The following RAPGEF6 variants were observed in gnomAD, a reference collection of about 807,000 sequenced individuals.
The protein encoded by RAPGEF6 is Rap guanine nucleotide exchange factor 6.
Under a neutral mutation model 171.4 loss-of-function variants are expected in RAPGEF6, and 56 were observed. The observed-to-expected ratio is 0.33, with a 90% confidence interval of 0.26 to 0.41. RAPGEF6 has a LOEUF of 0.41. Among genes scored for constraint, RAPGEF6 ranks in the 10% least tolerant of loss-of-function variants. The pLI is 1.00. For synonymous variants in RAPGEF6, 692 were observed against 650.1 expected (o/e 1.06, Z -0.98); for missense variants, 1,674 against 1,921.4 (o/e 0.87, Z 2.41).
At chr5:131,460,880 G>A (rs1753878036) in intron 19 of RAPGEF6, among the ~76,000 whole-genome samples, 2 of 152,110 alleles carry the variant, frequency 1.3e-5, no homozygotes, top group Admixed American at 1.3e-4. Flanking sequence ...AAATCATTAT[G>A]AATTCTGTGG....
At chr5:131,494,498 T>C (rs1476765446) in intron 13 of RAPGEF6, among the ~76,000 whole-genome samples, 2 of 152,148 alleles carry the variant, frequency 1.3e-5, no homozygotes, top group African/African-American at 2.4e-5. Context: ...AGAGTTTCAA[T>C]AGGTGAGGAA....
At chr5:131,633,012 C>T (rs1027378871) in intron 1 of RAPGEF6, among the ~76,000 whole-genome samples, 1 of 152,130 alleles carries the variant, frequency 6.6e-6, no homozygotes, top group African/African-American at 2.4e-5. Flanking sequence ...ACTTTATGAA[C>T]AGTTTAGAAA....
At chr5:131,479,131 C>A (rs1755298115) in intron 16 of RAPGEF6, among the ~76,000 whole-genome samples, 1 of 149,062 alleles carries the variant, frequency 6.7e-6, no homozygotes. Flanking sequence ...CTTTAGAATT[C>A]AAGAAGGAAT....
intron 6 of RAPGEF6, among the ~76,000 whole-genome samples, chr5:131,529,544 A>G (rs1759224312): frequency 1.3e-5 from 2 of 152,078 alleles, no homozygotes; most frequent in Non-Finnish European, 2.9e-5. Flanking sequence ...TACTACTCCA[A>G]AAGTGTCAAT....
At chr5:131,589,230 G>A (rs1052398869) in intron 4 of RAPGEF6, among the ~76,000 whole-genome samples, 2 of 152,234 alleles carry the variant, frequency 1.3e-5, no homozygotes, top group African/African-American at 2.4e-5. Context: ...GTGAAAGACA[G>A]AGATATGAAC....
At chr5:131,619,464 A>C (rs1208389371) in intron 1 of RAPGEF6, among the ~76,000 whole-genome samples, 2 of 152,230 alleles carry the variant, frequency 1.3e-5, no homozygotes, top group Non-Finnish European at 2.9e-5. Flanking sequence ...AACTTAAAGT[A>C]TAATTTTAAA....
At chr5:131,534,607 T>TTG (rs1433055970) in intron 6 of RAPGEF6, among the ~76,000 whole-genome samples, 3 of 728 alleles carry the variant, frequency 4.1e-3, no homozygotes, top group Admixed American at 0.17. Context: ...CACCAATGTG[T>TTG]TTTTTTTTTT....
At position 131,508,096 on chromosome 5, in the gene RAPGEF6, G is replaced by T. The variant is rs1209264770; in HGVS notation, c.917C>A (p.Ala306Asp). 6.2e-7 allele frequency: 1 copy of T among 1,608,722 alleles called. No individual in the cohort carries two copies. The highest frequency in any genetic ancestry group is 1.7e-5 in the Admixed American group (1 of 59,292). The change falls in exon 9 of 28, where the codon GCT becomes GAT. Residue 306 changes from alanine (A) to aspartate (D), a missense_variant. Ala to Asp is a moderately radical substitution (Grantham distance 126). This residue lies in a region of RAPGEF6 where 1,116 missense variants were observed against 1,321.5 expected (regional missense o/e 0.84). Coordinates refer to ENST00000509018, the MANE Select transcript of RAPGEF6 (RefSeq NM_016340.6). Reference sequence around the variant, plus strand: ...CTCTTGCCCATCTTCAAGAATAATAGCTCCAGCCTGCTCTACCACTTCAAA... The same window carrying T: ...CTCTTGCCCATCTTCAAGAATAATATCTCCAGCCTGCTCTACCACTTCAAA... Reference protein sequence around the residue: ...MIFEVVEQAGAIILEDGQELD... With the variant: ...MIFEVVEQAGDIILEDGQELD...
chr5:131,536,346 G>C (rs1759773329), intron 6 of RAPGEF6, among the ~76,000 whole-genome samples: 1 of 152,092 alleles, frequency 6.6e-6, no homozygotes, highest in African/African-American at 2.4e-5. Context: ...CATCTTTGCA[G>C]TTATCAGACA....
At chr5:131,431,521 A>C (rs1751707525) in intron 25 of RAPGEF6, among the ~76,000 whole-genome samples, 172 bp from the exon 26 acceptor site, 1 of 151,934 alleles carries the variant, frequency 6.6e-6, no homozygotes, top group Middle Eastern at 3.2e-3. Context: ...ATTCCTTGTA[A>C]GTATTTAGTT....
intron 24 of RAPGEF6, among the ~76,000 whole-genome samples, chr5:131,435,231 C>G (rs1751942182): frequency 6.6e-6 from 1 of 152,150 alleles, no homozygotes; most frequent in Non-Finnish European, 1.5e-5. Flanking sequence ...CCTACGTGGA[C>G]AGGAACAGGG....
intron 3 of RAPGEF6, among the ~76,000 whole-genome samples, chr5:131,598,437 T>C (rs1001556442): frequency 6.6e-6 from 1 of 152,110 alleles, no homozygotes; most frequent in Non-Finnish European, 1.5e-5. Flanking sequence ...AGATATCAAA[T>C]CAGGGTATCA....
At chr5:131,601,247 T>A (rs1764235153) in intron 3 of RAPGEF6, among the ~76,000 whole-genome samples, 1 of 151,676 alleles carries the variant, frequency 6.6e-6, no homozygotes, top group Non-Finnish European at 1.5e-5. Context: ...AAGCTGGGCA[T>A]GGTGGCGGGC....
At chr5:131,489,020 G>A (rs2149870364) in intron 15 of RAPGEF6, among the ~76,000 whole-genome samples, 1 of 152,244 alleles carries the variant, frequency 6.6e-6, no homozygotes. Context: ...ACACAACAGA[G>A]GCACTGTAAT....
At chr5:131,585,295 T>TACATACAC in intron 4 of RAPGEF6, among the ~76,000 whole-genome samples, 1 of 141,364 alleles carries the variant, frequency 7.1e-6, no homozygotes, top group East Asian at 2.0e-4. Flanking sequence ...AAACTATACA[T>TACATACAC]ACATACATAC....
intron 6 of RAPGEF6, among the ~76,000 whole-genome samples, chr5:131,542,882 C>T (rs1329775621): frequency 6.6e-6 from 1 of 152,086 alleles, no homozygotes; most frequent in African/African-American, 2.4e-5. Context: ...ACATAGAAAA[C>T]AGGTAAAAGA....
chr5:131,571,291 C>G (rs2149979782), intron 4 of RAPGEF6, among the ~76,000 whole-genome samples: 1 of 152,216 alleles, frequency 6.6e-6, no homozygotes, highest in Non-Finnish European at 1.5e-5. Context: ...TTGCTCCACT[C>G]TGTCACAACA....
intron 1 of RAPGEF6, among the ~76,000 whole-genome samples, chr5:131,632,401 C>T (rs1028089342): frequency 3.3e-5 from 5 of 152,206 alleles, no homozygotes; most frequent in African/African-American, 1.2e-4. Context: ...GATCAAAAAT[C>T]ATCTTCTCAA....
At chr5:131,537,154 G>T (rs1469774764) in intron 6 of RAPGEF6, among the ~76,000 whole-genome samples, 1 of 152,178 alleles carries the variant, frequency 6.6e-6, no homozygotes, top group African/African-American at 2.4e-5. Flanking sequence ...GTATACATTA[G>T]TATCTGAGTT....
Sources: allele counts gnomAD v4.1 joint callset (sites outside exome capture counted in the v4.1 genomes callset), GRCh38; gene constraint gnomAD v4.1.1; regional missense constraint gnomAD v4.1.1; transcripts MANE v1.5; gene names NCBI Gene and HGNC (gene_info 2026-07-23, HGNC 2026-07-21).